The following SLC35F1 variants were observed in gnomAD, a reference collection of about 807,000 sequenced individuals.
The protein encoded by SLC35F1 is chromosome 6 open reading frame 169.
In SLC35F1, 14 loss-of-function variants were observed where a neutral mutation model predicts 48.7. The observed-to-expected ratio is 0.29, with a 90% confidence interval of 0.19 to 0.45. SLC35F1 has a LOEUF of 0.45. SLC35F1 is among the 20% of genes least tolerant of loss of function. The probability of loss-of-function intolerance (pLI) is 1.00; values close to 1 mark genes in which losing one functional copy is unlikely to be tolerated. For synonymous variants in SLC35F1, 190 were observed against 202.2 expected, an observed-to-expected ratio of 0.94 and a Z score of 0.51; for missense variants, 404 against 500.0, an observed-to-expected ratio of 0.81 and a Z score of 1.83.
chr6:118,283,966 G>A (rs1426022413), intron 6 of SLC35F1, among the ~76,000 whole-genome samples: 13 of 152,234 alleles, frequency 8.5e-5, no homozygotes, highest in African/African-American at 2.6e-4. Context: ...TCCTCTGAGG[G>A]CACTTCTACC....
intron 2 of SLC35F1, among the ~76,000 whole-genome samples, chr6:118,230,623 C>G (rs1216495389): frequency 2.0e-5 from 3 of 152,176 alleles, no homozygotes; most frequent in South Asian, 2.1e-4. Context: ...AAGTCATATA[C>G]TATTTTGAAT....
At chr6:118,162,892 T>C (rs1489742485) in intron 2 of SLC35F1, among the ~76,000 whole-genome samples, 1 of 152,020 alleles carries the variant, frequency 6.6e-6, no homozygotes, top group Non-Finnish European at 1.5e-5. Flanking sequence ...TCTCCCACAG[T>C]CTTAACGAAA....
chr6:118,314,268 G>A lies in SLC35F1; in HGVS notation c.*16G>A, dbSNP rs372224023. The stretch of plus-strand genomic sequence containing the variant: ...TGTGGCCTAGGGTGAGGCCCGCCCT[G>A]CCAACTGAGGCCAACTCATTGGCCA... On this transcript the variant is annotated 3_prime_UTR_variant, in exon 8 of 8. Coordinates refer to ENST00000360388, the MANE Select transcript of SLC35F1 (RefSeq NM_001029858.4). 4.4e-6 allele frequency: 7 copies of A among 1,604,668 alleles called. No homozygotes were observed. Among genetic ancestry groups the A allele is most frequent in the Non-Finnish European group, 6.0e-6 (7 of 1,171,728 alleles).
At chr6:118,274,212 G>T (rs1271726074) in intron 4 of SLC35F1, among the ~76,000 whole-genome samples, 1 of 152,100 alleles carries the variant, frequency 6.6e-6, no homozygotes, top group Non-Finnish European at 1.5e-5. Flanking sequence ...GCTGACTTAT[G>T]CAGGACAGAG....
chr6:118,265,761 T>A (rs181036314), intron 3 of SLC35F1, among the ~76,000 whole-genome samples: 64 of 152,376 alleles, frequency 4.2e-4, no homozygotes, highest in African/African-American at 1.5e-3. Flanking sequence ...GTATTGAGGA[T>A]CACTGCCCTG....
intron 1 of SLC35F1, among the ~76,000 whole-genome samples, chr6:118,068,973 A>G (rs1772659531): frequency 6.6e-6 from 1 of 152,202 alleles, no homozygotes; most frequent in African/African-American, 2.4e-5. Flanking sequence ...CCACAGAAAT[A>G]TAATATGTGC....
At chr6:118,081,789 T>A (rs1451186904) in intron 1 of SLC35F1, among the ~76,000 whole-genome samples, 4 of 152,198 alleles carry the variant, frequency 2.6e-5, no homozygotes, top group Non-Finnish European at 1.5e-5. Flanking sequence ...CTAAATTTCA[T>A]GAATTCCCAG....
chr6:117,927,009 A>G (rs1335809483), intron 1 of SLC35F1, among the ~76,000 whole-genome samples: 1 of 152,134 alleles, frequency 6.6e-6, no homozygotes, highest in Non-Finnish European at 1.5e-5. Flanking sequence ...ATGCTGGTCA[A>G]TGTTTGATTT....
intron 7 of SLC35F1, among the ~76,000 whole-genome samples, chr6:118,294,830 A>AG (rs896615820): frequency 2.0e-5 from 3 of 152,150 alleles, no homozygotes; most frequent in African/African-American, 4.8e-5. Flanking sequence ...TAAAAAAAAA[A>AG]AGAGAGATTT....
At chr6:117,978,822 C>G (rs564034010) in intron 1 of SLC35F1, among the ~76,000 whole-genome samples, 2 of 152,298 alleles carry the variant, frequency 1.3e-5, no homozygotes, top group South Asian at 2.1e-4. Flanking sequence ...TAAGCCTGTC[C>G]CATTACTTAC....
chr6:118,068,619 A>T (rs948105476), intron 1 of SLC35F1, among the ~76,000 whole-genome samples: 1 of 152,186 alleles, frequency 6.6e-6, no homozygotes, highest in East Asian at 1.9e-4. Flanking sequence ...GTTGAGGGAG[A>T]TGAGATTTTT....
rs1169882252 is a variant in SLC35F1, at chr6:118,267,076, A to T, written c.559A>T (p.Ile187Phe). 6.2e-7 allele frequency: 1 copy of T among 1,613,964 alleles called. No homozygotes were observed. Among genetic ancestry groups the T allele is most frequent in the Admixed American group, 1.7e-5 (1 of 60,022 alleles). ...LLIRYKAVHF[I>F]GIVVCILGMG... ...GATCCGGTACAAGGCTGTGCATTTC[A>T]TCGGCATCGTTGTCTGCATCCTGGG... The change falls in exon 4 of 8, where the codon ATC (isoleucine) becomes TTC (phenylalanine). Residue 187 changes from isoleucine to phenylalanine, a missense_variant. Around this residue, in one of 2 missense-constraint regions of SLC35F1, gnomAD observed 306 missense variants for 419.1 expected, o/e 0.73. Coordinates refer to ENST00000360388, the MANE Select transcript of SLC35F1 (RefSeq NM_001029858.4).
intron 3 of SLC35F1, among the ~76,000 whole-genome samples, chr6:118,243,861 A>G: frequency 6.6e-6 from 1 of 152,206 alleles, no homozygotes; most frequent in Non-Finnish European, 1.5e-5. Context: ...CTGATGCAGG[A>G]CTATGGAAGT....
Position 118,064,765 on chromosome 6 carries a change from T to C in SLC35F1, c.174-89680T>C, listed in dbSNP as rs147641851. On this transcript the variant is annotated intron_variant, in intron 1 of 7. Coordinates refer to ENST00000360388, the MANE Select transcript of SLC35F1 (RefSeq NM_001029858.4). ...AAGGAATTTATTACTATCTGCATTA[T>C]GCCATATGTGTAATGGTTATCTGTG... Among the ~76,000 whole-genome samples, 3 of 152,356 alleles carry C rather than the reference T, an allele frequency of 2.0e-5. No individual in the cohort carries two copies. In the East Asian group the frequency reaches 5.8e-4, roughly 29 times the overall value.
At chr6:118,275,783 C>A (rs768934632) in intron 5 of SLC35F1, among the ~76,000 whole-genome samples, 168 bp downstream of exon 5, 55 of 152,062 alleles carry the variant, frequency 3.6e-4, no homozygotes, top group Non-Finnish European at 4.4e-4. Context: ...TAAATCACCT[C>A]CAAATTAAAC....
chr6:118,292,059 A>C (rs1283602660), intron 7 of SLC35F1, among the ~76,000 whole-genome samples: 2 of 152,166 alleles, frequency 1.3e-5, no homozygotes, highest in Non-Finnish European at 2.9e-5. Context: ...CAGAGTTTGC[A>C]GTGAGCTGAG....
At chr6:118,226,890 T>C (rs1775226102) in intron 2 of SLC35F1, among the ~76,000 whole-genome samples, 2 of 152,240 alleles carry the variant, frequency 1.3e-5, no homozygotes, top group Non-Finnish European at 2.9e-5. Context: ...TTTAAAATGA[T>C]GGTTATCCCA....
chr6:118,061,901 T>G (rs1052673070), intron 1 of SLC35F1, among the ~76,000 whole-genome samples: 2 of 151,872 alleles, frequency 1.3e-5, no homozygotes, highest in Non-Finnish European at 2.9e-5. Flanking sequence ...TGAGAGGAGG[T>G]GGAAAAGCTC....
chr6:118,200,159 T>TATACATACATAC (rs71012386), intron 2 of SLC35F1, among the ~76,000 whole-genome samples: 1 of 147,180 alleles, frequency 6.8e-6, no homozygotes, highest in Non-Finnish European at 1.5e-5. Flanking sequence ...TACATACATA[T>TATACATACATAC]ATACATACAT....
Sources: gnomAD v4.1 joint callset for allele counts (sites outside exome capture counted in the v4.1 genomes callset) on GRCh38, gnomAD v4.1.1 for gene constraint, gnomAD v4.1.1 regional missense constraint, MANE v1.5 for transcripts, NCBI Gene and HGNC (gene_info 2026-07-23, HGNC 2026-07-21) for gene names.